SASH1: variants seen among roughly 807,000 people sequenced by gnomAD.
SASH1 encodes SAM and SH3 domain containing 1, also known as SAM and SH3 domain-containing protein 1.
In SASH1, 44 loss-of-function variants were observed where a neutral mutation model predicts 125.2. The ratio of observed to expected loss-of-function variants is 0.35; its 90% CI spans 0.28 to 0.45. The LOEUF is 0.45. Ranked by LOEUF, SASH1 falls within the 20% of genes least tolerant of loss-of-function variation. SASH1 has a pLI of 1.00. For synonymous variants in SASH1, 639 were observed against 649.1 expected (o/e 0.98, Z 0.24); for missense variants, 1,426 against 1,614.5 (o/e 0.88, Z 2.00).
At chr6:148,345,259 G>A (rs1781485940) in intron 1 of SASH1, among the ~76,000 whole-genome samples, 1 of 152,178 alleles carries the variant, frequency 6.6e-6, no homozygotes, top group African/African-American at 2.4e-5. Context: ...ATTTTCTGCA[G>A]ATTTGCTTTC....
chr6:148,193,774 A>G, the SASH1 span, among the ~76,000 whole-genome samples: 1 of 152,240 alleles, frequency 6.6e-6, no homozygotes, highest in Non-Finnish European at 1.5e-5. Context: ...TCTACATATC[A>G]AATTTTGTTA....
the SASH1 span, among the ~76,000 whole-genome samples, chr6:148,265,615 T>C: frequency 1.3e-5 from 2 of 152,152 alleles, no homozygotes; most frequent in Non-Finnish European, 2.9e-5. Context: ...CTTAGAAAAG[T>C]AGACATAAGA....
At chr6:148,267,867 T>G (rs954905925), upstream of SASH1, among the ~76,000 whole-genome samples, 2 of 152,198 alleles carry the variant, frequency 1.3e-5, no homozygotes, top group African/African-American at 2.4e-5. Context: ...AGCTGACTCT[T>G]AACAGCAAGC....
chr6:148,258,726 G>A, the SASH1 span, among the ~76,000 whole-genome samples: 4 of 152,148 alleles, frequency 2.6e-5, no homozygotes, highest in South Asian at 2.1e-4. Context: ...AAGCCTTCTC[G>A]GATAGTTTTC....
intron 7 of SASH1, among the ~76,000 whole-genome samples, chr6:148,483,896 T>C (rs1374451245): frequency 1.3e-5 from 2 of 152,168 alleles, no homozygotes; most frequent in African/African-American, 2.4e-5. Flanking sequence ...TGGACACATA[T>C]AGAGTCCATA....
chr6:148,266,776 T>A, the SASH1 span, among the ~76,000 whole-genome samples: 5 of 148,058 alleles, frequency 3.4e-5, no homozygotes, highest in African/African-American at 1.0e-4. Flanking sequence ...AATTTTTTTT[T>A]AATTTTTTTT....
At position 148,413,443 on chromosome 6, in the gene SASH1, T is replaced by C. The variant is rs1194887514; in HGVS notation, c.285+23181T>C. Among the ~76,000 whole-genome samples the C allele has an allele frequency of 3.3e-5, 5 of 150,852 alleles. No individual in the cohort carries two copies. In the South Asian group the frequency reaches 8.4e-4, roughly 25 times the overall value. ...CTAACTGAAGATGCTGGGAGGGGAG[T>C]GTGGCTGTTAACAGGGAGAAAGGGG... On this transcript the variant is annotated intron_variant, in intron 2 of 19. Transcript: ENST00000367467.
At chr6:148,368,581 CT>C (rs1276894903) in intron 1 of SASH1, among the ~76,000 whole-genome samples, 1 of 152,038 alleles carries the variant, frequency 6.6e-6, no homozygotes, top group Non-Finnish European at 1.5e-5. Flanking sequence ...AGGACCAGCT[CT>C]TTGTTAGCCA....
chr6:148,195,290 T>G, the SASH1 span, among the ~76,000 whole-genome samples: 1 of 152,250 alleles, frequency 6.6e-6, no homozygotes, highest in Non-Finnish European at 1.5e-5. Flanking sequence ...GAGGAACATC[T>G]GTGCTCCAAG....
In SASH1 at chr6:148,294,734, G is replaced by A. The variant is rs139834408; in HGVS notation, n.74+22357G>A. ...TCAGATCCCAAGGTCTTAATCATAAGGAGGAACGAGAGGGGAGCAAAAATT... is the reference window on the plus strand; with the variant it reads ...TCAGATCCCAAGGTCTTAATCATAAAGAGGAACGAGAGGGGAGCAAAAATT... On this transcript the variant is annotated intron_variant and non_coding_transcript_variant, in intron 1 of 3. Coordinates refer to the SASH1 transcript ENST00000367469. Among the ~76,000 whole-genome samples, 3 of 152,242 alleles carry A rather than the reference G, an allele frequency of 2.0e-5. No individual in the cohort carries two copies. In the East Asian group the frequency reaches 5.8e-4, roughly 29 times the overall value.
chr6:148,205,579 T>C, the SASH1 span, among the ~76,000 whole-genome samples: 1 of 152,134 alleles, frequency 6.6e-6, no homozygotes, highest in African/African-American at 2.4e-5. Context: ...TAGGTCTTCC[T>C]AATAGAGGAT....
intron 4 of SASH1, among the ~76,000 whole-genome samples, chr6:148,463,220 C>T (rs908736387): frequency 1.3e-5 from 2 of 151,904 alleles, no homozygotes; most frequent in African/African-American, 4.8e-5. Context: ...TCTCGGCTCA[C>T]CGCAACCTCC....
At chr6:148,399,068 G>A (rs1424763477) in intron 2 of SASH1, among the ~76,000 whole-genome samples, 1 of 152,044 alleles carries the variant, frequency 6.6e-6, no homozygotes, top group Non-Finnish European at 1.5e-5. Flanking sequence ...CAGTTCAGGT[G>A]TTTCCAACCT....
At chr6:148,450,493 A>G (rs1184114093) in intron 4 of SASH1, among the ~76,000 whole-genome samples, 1 of 152,030 alleles carries the variant, frequency 6.6e-6, no homozygotes, top group African/African-American at 2.4e-5. Context: ...ACTGCTTCTC[A>G]CTGAGTACTT....
chr6:148,545,521 G>A (rs988404785), intron 18 of SASH1, among the ~76,000 whole-genome samples: 1 of 152,188 alleles, frequency 6.6e-6, no homozygotes, highest in African/African-American at 2.4e-5. Flanking sequence ...GCAAACAGTT[G>A]AATATCTGTA....
the SASH1 span, among the ~76,000 whole-genome samples, chr6:148,253,135 A>G: frequency 6.6e-6 from 1 of 152,208 alleles, no homozygotes; most frequent in South Asian, 2.1e-4. Context: ...AAACAGTCCT[A>G]AAAAAGAAGA....
At position 148,514,353 on chromosome 6, in the gene SASH1, G is replaced by A. The variant is rs760524486; in HGVS notation, c.759G>A (p.Glu253=). 1.4e-5 allele frequency: 22 copies of A among 1,608,256 alleles called. No homozygotes were observed. In the African/African-American group the frequency reaches 2.2e-4, roughly 16 times the overall value. Reference sequence around the variant, plus strand: ...GAGAACAATCGGATGATGAGACTGAGGAGTCGGTGAAGTTTAAGAGGTTAC... The same window carrying A: ...GAGAACAATCGGATGATGAGACTGAAGAGTCGGTGAAGTTTAAGAGGTTAC... The part of the protein sequence containing the change: ...NSREQSDDET[E]ESVKFKRLHK... Residue 253 remains glutamate, a synonymous_variant, in exon 9 of 20, where the codon GAG becomes GAA. Transcript: ENST00000367467.
At chr6:148,432,425 TA>T (rs970879715) in intron 2 of SASH1, among the ~76,000 whole-genome samples, 1 of 152,002 alleles carries the variant, frequency 6.6e-6, no homozygotes, top group African/African-American at 2.4e-5. Flanking sequence ...TGTAAAGTGA[TA>T]AAAAAAACGT....
chr6:148,523,556 T>TAGC (rs369288890), intron 10 of SASH1, among the ~76,000 whole-genome samples: 7,425 of 152,102 alleles, frequency 0.049, 608 homozygotes, highest in African/African-American at 0.17. Flanking sequence ...AAGTCGGTAG[T>TAGC]AGCAGCAGCA....
Sources: gnomAD v4.1 joint callset for allele counts (sites outside exome capture counted in the v4.1 genomes callset) on GRCh38, gnomAD v4.1.1 for gene constraint, MANE v1.5 for transcripts, NCBI Gene and HGNC (gene_info 2026-07-23, HGNC 2026-07-21) for gene names.